The following VWF variants were observed in gnomAD, a reference collection of about 807,000 sequenced individuals.
VWF encodes von Willebrand factor.
VWF carries 176 observed loss-of-function variants against 308.6 expected under a neutral mutation model. The ratio of observed to expected loss-of-function variants is 0.57; its 90% confidence interval spans 0.50 to 0.65. VWF has a LOEUF of 0.65. Among genes scored for constraint, VWF ranks in the 30% least tolerant of loss-of-function variants. The probability of loss-of-function intolerance (pLI) is 0.00; values close to 1 mark genes in which losing one functional copy is unlikely to be tolerated. For missense variants in VWF, 3,146 were observed against 3,648.2 expected (o/e 0.86, Z 3.55); for synonymous variants, 1,385 against 1,443.4 (o/e 0.96, Z 0.92).
rs547226192 is a variant in VWF, at chr12:5,959,015, T to G, written c.7888-5421A>C. ...AGGATCGCTTGAGCCCAGGAATTCA[T>G]GACCAGCCTGGGCAACATAGCAAAA... is the stretch of plus-strand genomic sequence containing the variant. On this transcript the variant is annotated intron_variant, in intron 47 of 51. Coordinates refer to ENST00000261405, the MANE Select transcript of VWF (RefSeq NM_000552.5). Among the ~76,000 whole-genome samples, 177 of 152,016 alleles carry G rather than the reference T, an allele frequency of 1.2e-3. 1 individual carries two copies. Among genetic ancestry groups the G allele is most frequent in the African/African-American group, 4.1e-3 (168 of 41,460 alleles).
rs570546318 is a variant in VWF, at chr12:5,979,260, G to A, written c.7287+2526C>T. The stretch of plus-strand genomic sequence containing the variant: ...CAGTTGGGAGAAAGTTCTTTCTTAC[G>A]GGAGAATTCCAGTTAATAAATGCAA... On this transcript the variant is annotated intron_variant, in intron 42 of 51. Transcript: ENST00000261405. 3.3e-5 allele frequency among the ~76,000 whole-genome samples: 5 copies of A among 152,234 alleles called. No individual in the cohort carries two copies. The East Asian group carries it at 7.7e-4, about 23-fold the overall frequency.
intron 19 of VWF, 138 bp from the exon 20 acceptor site, chr12:6,034,964 C>T: frequency 9.0e-7 from 1 of 1,108,642 alleles, no homozygotes; most frequent in Non-Finnish European, 1.3e-6. Flanking sequence ...AAGTTGAGGA[C>T]CTGTAGCGTG....
Position 6,020,137 on chromosome 12 carries a change from A to G in VWF, c.3675-394T>C, listed in dbSNP as rs1944114318. Among the ~76,000 whole-genome samples the G allele has an allele frequency of 6.6e-6, 1 of 152,256 alleles. No homozygotes were observed. The highest frequency in any genetic ancestry group is 1.5e-5 in the Non-Finnish European group (1 of 68,050). ...CTTCTTACAAGTGTCTCCAAGAACA[A>G]ATGTTACTAAAATGTAGACGCTAAC... On this transcript the variant is annotated intron_variant, in intron 27 of 51. Transcript: ENST00000261405. The surrounding 1 kb of genome is among the most constrained non-coding windows in gnomAD (Gnocchi z 4.3).
In VWF at chr12:6,071,304, T is replaced by C. The variant is rs1450294094; in HGVS notation, c.1149A>G (p.Glu383=). ...GAGCGGCAGGTCGCCTACCTGGACA[T>C]TCTTCATTGCTGCAGATCCACTGGC... is the stretch of plus-strand genomic sequence containing the variant. ...RNSQWICSNE[E]CPGECLVTGQ... is the part of the protein sequence containing the mutation. Residue 383 remains glutamate (E), a synonymous_variant, in exon 10 of 52, where the codon GAA becomes GAG. Transcript: ENST00000261405. 1.2e-6 allele frequency: 2 copies of C among 1,614,164 alleles called. No individual in the cohort carries two copies. The highest frequency in any genetic ancestry group is 1.7e-5 in the Admixed American group (1 of 60,028).
intron 38 of VWF, among the ~76,000 whole-genome samples, chr12:5,990,927 TCCCAAGCAAATCAG>T (rs1284642361): frequency 8.6e-6 from 1 of 116,218 alleles, no homozygotes; most frequent in African/African-American, 3.5e-5. Context: ...ACTCAGTGAC[TCCCAAGCAAATCAG>T]CCCAAAAAAG....
At chr12:6,017,085 A>G (rs1240770082) in intron 28 of VWF, among the ~76,000 whole-genome samples, 2 of 152,250 alleles carry the variant, frequency 1.3e-5, no homozygotes, top group Admixed American at 6.5e-5. Context: ...CCTCAGATTT[A>G]GAGACACTGA....
At chr12:6,040,075 T>C (rs1944380535) in intron 18 of VWF, among the ~76,000 whole-genome samples, 3 of 152,174 alleles carry the variant, frequency 2.0e-5, no homozygotes, top group Non-Finnish European at 4.4e-5. Flanking sequence ...TCCCGTGTGA[T>C]AGAAGGGGCT....
intron 6 of VWF, among the ~76,000 whole-genome samples, chr12:6,092,878 C>G (rs1945065454): frequency 6.6e-6 from 1 of 151,928 alleles, no homozygotes; most frequent in South Asian, 2.1e-4. Context: ...ACTGTATATG[C>G]AAATGCCTCC....
chr12:6,009,500 AT>A (rs1335453074), intron 34 of VWF, among the ~76,000 whole-genome samples: 2 of 152,216 alleles, frequency 1.3e-5, no homozygotes, highest in African/African-American at 4.8e-5. Flanking sequence ...ATGTGAAGAA[AT>A]TGAAACCCTT....
chr12:6,057,079 G>A lies in VWF; in HGVS notation c.1730-7C>T. On this transcript the variant is annotated splice_polypyrimidine_tract_variant and splice_region_variant and intron_variant, in intron 14 of 51. Transcript: ENST00000261405. ...GCCTCCTCGGAGAACCTGGCTGTGG[G>A]GCGAGAGGAGCGAGCCTGGGATGTG... 2.0e-6 allele frequency: 3 copies of A among 1,533,212 alleles called. No individual in the cohort carries two copies. The highest frequency in any genetic ancestry group is 2.6e-6 in the Non-Finnish European group (3 of 1,145,840). The allele number at this position is 1,533,212 out of a possible 1,614,324, so 95.0% of individuals were successfully genotyped here.
intron 33 of VWF, 37 bp from the exon 34 acceptor site, chr12:6,011,831 G>C (rs766136953): frequency 6.6e-6 from 10 of 1,519,418 alleles, no homozygotes; most frequent in Non-Finnish European, 8.2e-6. Flanking sequence ...CAGGGAATAA[G>C]ATGAGGTACT....
chr12:6,095,905 C>T (rs1473817294), intron 5 of VWF: 1 of 371,642 alleles, frequency 2.7e-6, no homozygotes, highest in African/African-American at 2.1e-5. Context: ...CACCTGGGCT[C>T]AAGCAATCCT....
At chr12:6,027,883 C>CACACA (rs71064184) in intron 22 of VWF, among the ~76,000 whole-genome samples, 1 of 148,012 alleles carries the variant, frequency 6.8e-6, no homozygotes, top group South Asian at 2.1e-4. Context: ...CACACACACA[C>CACACA]CCCTAAACAA....
At chr12:5,958,165 A>G (rs530920968) in intron 47 of VWF, among the ~76,000 whole-genome samples, 1 of 152,342 alleles carries the variant, frequency 6.6e-6, no homozygotes, top group East Asian at 1.9e-4. Flanking sequence ...TTAACAACAG[A>G]ACAAGTAACA....
At chr12:5,968,269 T>C in intron 45 of VWF, 102 bp from the exon 46 acceptor site, 1 of 1,442,228 alleles carries the variant, frequency 6.9e-7, no homozygotes, top group Admixed American at 1.8e-5. Context: ...TGTCTGGGCC[T>C]CCCTCCTGTA....
intron 5 of VWF, among the ~76,000 whole-genome samples, chr12:6,097,712 C>T (rs944894547): frequency 1.3e-5 from 2 of 152,102 alleles, no homozygotes; most frequent in Non-Finnish European, 2.9e-5. Context: ...TTCAAGCCAC[C>T]GAGTTTGTGG....
rs542407233 is a variant in VWF, at chr12:6,051,332, C to T, written c.2186+1211G>A. 6.7e-4 allele frequency among the ~76,000 whole-genome samples: 96 copies of T among 144,068 alleles called. 1 individual carries two copies. Among genetic ancestry groups the T allele is most frequent in the African/African-American group, 2.5e-3 (93 of 37,434 alleles). The allele number at this position is 144,068 out of a possible 152,430, so 94.5% of individuals were successfully genotyped here. The stretch of plus-strand genomic sequence containing the variant: ...TTTGAGATAGAGTCTCGCTCTGTCA[C>T]CCAGGCTGGAGTGCAGTGGCAAGAT... On this transcript the variant is annotated intron_variant, in intron 16 of 51. Transcript: ENST00000261405.
chr12:5,973,621 C>T (rs1943502069), intron 43 of VWF, among the ~76,000 whole-genome samples: 1 of 152,206 alleles, frequency 6.6e-6, no homozygotes, highest in Non-Finnish European at 1.5e-5. Flanking sequence ...CCAGTGTCCA[C>T]AGGCTTCATA....
At chr12:5,987,489 C>T (rs216879) in intron 38 of VWF, among the ~76,000 whole-genome samples, 124,384 of 152,142 alleles carry the variant, frequency 0.82, 51,725 homozygotes, top group East Asian at 0.92. Flanking sequence ...CCTCTTGCAG[C>T]ACAACTGCTT....
Sources: gnomAD v4.1 joint callset for allele counts (sites outside exome capture counted in the v4.1 genomes callset) on GRCh38, gnomAD v4.1.1 for gene constraint, Gnocchi (gnomAD v3.1) non-coding constraint, MANE v1.5 for transcripts, NCBI Gene and HGNC (gene_info 2026-07-23, HGNC 2026-07-21) for gene names.